The following PTPRT variants were observed in gnomAD, a reference collection of about 807,000 sequenced individuals.
PTPRT encodes protein tyrosine phosphatase receptor type T.
A neutral mutation model predicts 176.8 loss-of-function variants in PTPRT; 56 were observed. The ratio of observed to expected loss-of-function variants is 0.32; its 90% CI spans 0.26 to 0.40. The LOEUF is 0.40. PTPRT is among the 10% of genes least tolerant of loss of function. PTPRT has a pLI of 1.00. For missense variants in PTPRT, 1,540 were observed against 1,908.2 expected, an observed-to-expected ratio of 0.81 and a Z score of 3.60; for synonymous variants, 783 against 739.0, an observed-to-expected ratio of 1.06 and a Z score of -0.96.
intron 2 of PTPRT, among the ~76,000 whole-genome samples, chr20:42,862,303 A>G (rs1185812000): frequency 6.6e-6 from 1 of 152,144 alleles, no homozygotes; most frequent in Non-Finnish European, 1.5e-5. Context: ...TCATCTCTAT[A>G]GCTCCCAGCA....
intron 7 of PTPRT, among the ~76,000 whole-genome samples, chr20:42,602,752 T>C (rs2073804257): frequency 1.3e-5 from 2 of 151,900 alleles, no homozygotes; most frequent in Non-Finnish European, 2.9e-5. Context: ...AAATACTAGA[T>C]GGTGACAGAA....
intron 15 of PTPRT, among the ~76,000 whole-genome samples, chr20:42,223,686 G>T (rs1177436608): frequency 6.6e-6 from 1 of 152,164 alleles, no homozygotes; most frequent in Admixed American, 6.5e-5. Flanking sequence ...ATAAAGCAAA[G>T]ATAAGAAAAA....
chr20:42,383,013 T>A (rs760178485), intron 9 of PTPRT, among the ~76,000 whole-genome samples: 10 of 152,132 alleles, frequency 6.6e-5, no homozygotes, highest in Non-Finnish European at 1.2e-4. Flanking sequence ...AAATAATAAG[T>A]GTAATATTCT....
chr20:42,186,228 G>A (rs562316945), intron 16 of PTPRT, among the ~76,000 whole-genome samples: 33 of 152,028 alleles, frequency 2.2e-4, no homozygotes, highest in African/African-American at 8.0e-4. Context: ...TGGTCTCTGT[G>A]GCAACTACTC....
intron 2 of PTPRT, among the ~76,000 whole-genome samples, chr20:42,801,983 C>T (rs1400448232): frequency 6.6e-6 from 1 of 152,156 alleles, no homozygotes; most frequent in Non-Finnish European, 1.5e-5. Flanking sequence ...GTCTCACAGC[C>T]AAAGGGTGAT....
chr20:43,151,851 G>A (rs1293475259), intron 1 of PTPRT, among the ~76,000 whole-genome samples: 7 of 148,810 alleles, frequency 4.7e-5, no homozygotes, highest in South Asian at 2.1e-4. Flanking sequence ...CAACAAGAGC[G>A]AAACTCCGTC....
At chr20:42,820,436 T>C (rs1425654633) in intron 2 of PTPRT, among the ~76,000 whole-genome samples, 4 of 152,274 alleles carry the variant, frequency 2.6e-5, no homozygotes, top group African/African-American at 9.6e-5. Flanking sequence ...GAGGGAAATT[T>C]ATAGCACTAA....
intron 11 of PTPRT, among the ~76,000 whole-genome samples, chr20:42,318,474 C>T (rs1215158744): frequency 1.3e-5 from 2 of 152,176 alleles, no homozygotes; most frequent in Non-Finnish European, 2.9e-5. Flanking sequence ...ACTTGTGGGA[C>T]TCTGATCTGT....
chr20:42,640,092 C>T (rs2074706677), intron 7 of PTPRT, among the ~76,000 whole-genome samples: 1 of 152,098 alleles, frequency 6.6e-6, no homozygotes, highest in Non-Finnish European at 1.5e-5. Context: ...CTGGTTTCTG[C>T]CCATACCACA....
At chr20:42,633,304 A>C (rs2074454110) in intron 7 of PTPRT, among the ~76,000 whole-genome samples, 1 of 152,128 alleles carries the variant, frequency 6.6e-6, no homozygotes, top group South Asian at 2.1e-4. Context: ...ATGTACTGGA[A>C]TTTGATCAAA....
At chr20:42,606,148 T>C (rs2073873152) in intron 7 of PTPRT, among the ~76,000 whole-genome samples, 1 of 152,180 alleles carries the variant, frequency 6.6e-6, no homozygotes, top group East Asian at 1.9e-4. Flanking sequence ...CCCAGATTTT[T>C]CTCTGGCTGT....
chr20:42,386,871 C>CA lies in PTPRT; in HGVS notation c.1561-34587dup, dbSNP rs909663008. Among the ~76,000 whole-genome samples the CA allele has an allele frequency of 2.4e-4, 36 of 150,350 alleles. 1 individual carries two copies. Among genetic ancestry groups the CA allele is most frequent in the Admixed American group, 5.3e-4 (8 of 15,132 alleles). On this transcript the variant is annotated intron_variant, in intron 9 of 30. Transcript: ENST00000373187. ...TGAGACTCCGTCTCAAACAAACAAACAAAAAAAAAGAATTATTATCTTCAT... is the reference window on the plus strand; with the variant it reads ...TGAGACTCCGTCTCAAACAAACAAACAAAAAAAAAAGAATTATTATCTTCAT...
chr20:42,899,422 C>T (rs1177248936), intron 1 of PTPRT, among the ~76,000 whole-genome samples: 1 of 152,164 alleles, frequency 6.6e-6, no homozygotes, highest in Non-Finnish European at 1.5e-5. Context: ...ACTTGCTGTT[C>T]CCCCATGGAA....
intron 1 of PTPRT, among the ~76,000 whole-genome samples, chr20:43,094,682 C>T (rs1300047773): frequency 6.6e-6 from 1 of 152,190 alleles, no homozygotes; most frequent in Non-Finnish European, 1.5e-5. Flanking sequence ...CAGGTGTGAG[C>T]CACCATGCCC....
intron 9 of PTPRT, among the ~76,000 whole-genome samples, chr20:42,362,454 C>A (rs1217096266): frequency 6.6e-6 from 1 of 150,592 alleles, no homozygotes; most frequent in Non-Finnish European, 1.5e-5. Context: ...AATAACTGAC[C>A]AGTATTCTTC....
chr20:42,464,171 C>A (rs751840850), intron 8 of PTPRT, among the ~76,000 whole-genome samples: 14 of 152,156 alleles, frequency 9.2e-5, no homozygotes, highest in Non-Finnish European at 1.9e-4. Context: ...TCTTCACAAA[C>A]AATACCCATA....
chr20:42,399,326 C>T (rs557048254), intron 9 of PTPRT, among the ~76,000 whole-genome samples: 24 of 152,326 alleles, frequency 1.6e-4, no homozygotes, highest in African/African-American at 4.8e-4. Context: ...GGTCATCCTT[C>T]GGCGGTAGGA....
intron 2 of PTPRT, among the ~76,000 whole-genome samples, chr20:42,862,736 C>T (rs1229952592): frequency 1.3e-5 from 2 of 152,122 alleles, no homozygotes; most frequent in Non-Finnish European, 2.9e-5. Flanking sequence ...TTATTTTTCT[C>T]GTCAAGACTG....
chr20:43,172,189 T>C (rs2015017923), intron 1 of PTPRT, among the ~76,000 whole-genome samples: 1 of 152,182 alleles, frequency 6.6e-6, no homozygotes, highest in Non-Finnish European at 1.5e-5. Flanking sequence ...AGGAGTTGAA[T>C]TCTGTTTTCT....
Sources: gnomAD v4.1 joint callset for allele counts (sites outside exome capture counted in the v4.1 genomes callset) on GRCh38, gnomAD v4.1.1 for gene constraint, MANE v1.5 for transcripts, NCBI Gene and HGNC (gene_info 2026-07-23, HGNC 2026-07-21) for gene names.